FGF14: variants seen among roughly 807,000 people sequenced by gnomAD.
FGF14 encodes fibroblast growth factor 14, also known as fibroblast growth factor homologous factor 4.
A neutral mutation model predicts 25.5 loss-of-function variants in FGF14; 5 were observed. The ratio of observed to expected loss-of-function variants is 0.20; its 90% CI spans 0.10 to 0.41. The LOEUF is 0.41. FGF14 is among the 10% of genes least tolerant of loss of function. The probability of loss-of-function intolerance (pLI) is 1.00; values close to 1 mark genes in which losing one functional copy is unlikely to be tolerated. For synonymous variants in FGF14, 138 were observed against 118.3 expected (o/e 1.17, Z -1.08); for missense variants, 222 against 320.1 (o/e 0.69, Z 2.34).
chr13:102,030,054 A>G (rs543483613), intron 1 of FGF14, among the ~76,000 whole-genome samples: 2 of 152,216 alleles, frequency 1.3e-5, no homozygotes, highest in African/African-American at 4.8e-5. Flanking sequence ...TTATGTGTCA[A>G]GTATACAATA....
At chr13:102,331,448 T>C (rs1046542132) in intron 1 of FGF14, among the ~76,000 whole-genome samples, 1 of 152,192 alleles carries the variant, frequency 6.6e-6, no homozygotes, top group African/African-American at 2.4e-5. Context: ...TTATTGTACA[T>C]TCACACTGTA....
intron 3 of FGF14, among the ~76,000 whole-genome samples, chr13:101,767,012 C>T (rs2038448321): frequency 6.6e-6 from 1 of 152,160 alleles, no homozygotes; most frequent in Admixed American, 6.5e-5. Flanking sequence ...CAATTAATCA[C>T]TAATTTGTAA....
At chr13:102,186,473 A>T (rs905609640) in intron 1 of FGF14, among the ~76,000 whole-genome samples, 7 of 152,192 alleles carry the variant, frequency 4.6e-5, no homozygotes, top group African/African-American at 1.4e-4. Context: ...ACTAAAAATT[A>T]ATTTATACAT....
intron 3 of FGF14, among the ~76,000 whole-genome samples, chr13:101,826,961 G>T (rs1705991563): frequency 6.6e-6 from 1 of 151,862 alleles, no homozygotes; most frequent in South Asian, 2.1e-4. Context: ...GACACTATAG[G>T]TACAGAGGTA....
intron 3 of FGF14, among the ~76,000 whole-genome samples, chr13:101,802,915 G>A (rs1175585463): frequency 6.6e-6 from 1 of 152,060 alleles, no homozygotes; most frequent in African/African-American, 2.4e-5. Flanking sequence ...TGAGGCTGTG[G>A]GAGAAGAGGC....
intron 1 of FGF14, among the ~76,000 whole-genome samples, chr13:102,161,558 CTTTCTGTGAAGAAAGA>C (rs1473888144): frequency 5.4e-5 from 1 of 18,652 alleles, no homozygotes; most frequent in Non-Finnish European, 9.8e-5. Context: ...ATGCAACCAA[CTTTCTGTGAAGAAAGA>C]AAGAAGAAGA....
At chr13:101,726,480 C>T in intron 4 of FGF14, 132 bp downstream of exon 4, 2 of 842,398 alleles carry the variant, frequency 2.4e-6, no homozygotes, top group Non-Finnish European at 3.8e-6. Context: ...CCTGTGCAAC[C>T]ATCACCTAGA....
At chr13:102,387,157 T>G (rs2058324386) in intron 1 of FGF14, among the ~76,000 whole-genome samples, 2 of 152,360 alleles carry the variant, frequency 1.3e-5, no homozygotes, top group South Asian at 2.1e-4. Flanking sequence ...TTTATAAAAT[T>G]TGAATAGCCA....
chr13:102,218,241 C>G (rs1391658690), intron 1 of FGF14, among the ~76,000 whole-genome samples: 2 of 151,948 alleles, frequency 1.3e-5, no homozygotes, highest in African/African-American at 4.8e-5. Flanking sequence ...AAAGCCCTGA[C>G]CACAAAGCAG....
chr13:102,270,944 A>G (rs1379011013), intron 1 of FGF14, among the ~76,000 whole-genome samples: 1 of 152,194 alleles, frequency 6.6e-6, no homozygotes, highest in African/African-American at 2.4e-5. Flanking sequence ...AATGCATTAA[A>G]GTATTATTTC....
intron 1 of FGF14, among the ~76,000 whole-genome samples, chr13:102,288,019 G>T (rs1204270798): frequency 3.9e-5 from 6 of 152,304 alleles, no homozygotes; most frequent in Middle Eastern, 3.4e-3. Context: ...TTGCATCAGA[G>T]AATAAAGTAG....
chr13:102,047,150 A>G (rs909494559), intron 1 of FGF14, among the ~76,000 whole-genome samples: 34 of 152,186 alleles, frequency 2.2e-4, no homozygotes, highest in Non-Finnish European at 5.0e-4. Flanking sequence ...TAAGAGAACA[A>G]AATATTTAAA....
intron 1 of FGF14, among the ~76,000 whole-genome samples, chr13:102,311,717 T>C (rs905706072): frequency 2.0e-5 from 3 of 152,186 alleles, no homozygotes; most frequent in African/African-American, 7.2e-5. Context: ...TGAGCTATTT[T>C]AAAGCACAAC....
intron 3 of FGF14, among the ~76,000 whole-genome samples, chr13:101,833,719 A>G (rs980763749): frequency 6.6e-6 from 1 of 152,100 alleles, no homozygotes; most frequent in African/African-American, 2.4e-5. Context: ...GATGTTGGCT[A>G]GTTTGCACAC....
intron 1 of FGF14, among the ~76,000 whole-genome samples, chr13:102,190,273 A>C (rs1027470717): frequency 1.3e-5 from 2 of 152,176 alleles, no homozygotes; most frequent in East Asian, 3.8e-4. Flanking sequence ...TTAGGACATA[A>C]GTTTTGTTTA....
intron 3 of FGF14, among the ~76,000 whole-genome samples, chr13:101,777,906 G>C (rs1462109992): frequency 6.6e-6 from 1 of 152,136 alleles, no homozygotes; most frequent in Non-Finnish European, 1.5e-5. Flanking sequence ...GGAGGTTGCA[G>C]TGAGCCGAGA....
At chr13:101,925,213 T>C (rs948608429) in intron 1 of FGF14, among the ~76,000 whole-genome samples, 15 of 152,242 alleles carry the variant, frequency 9.9e-5, no homozygotes, top group African/African-American at 3.4e-4. Flanking sequence ...TGTTTTGGTA[T>C]ATTTTTCCAG....
chr13:101,880,190 CT>C (rs2045624642), intron 1 of FGF14, among the ~76,000 whole-genome samples: 1 of 152,106 alleles, frequency 6.6e-6, no homozygotes, highest in Admixed American at 6.6e-5. Context: ...TTTAACACTT[CT>C]TCCACAGGCT....
At chr13:102,334,738 T>C (rs1348726260) in intron 1 of FGF14, among the ~76,000 whole-genome samples, 4 of 152,192 alleles carry the variant, frequency 2.6e-5, no homozygotes, top group Non-Finnish European at 4.4e-5. Context: ...CTAAGATGTT[T>C]TGAATTTTTG....
Sources: allele counts gnomAD v4.1 joint callset (sites outside exome capture counted in the v4.1 genomes callset), GRCh38; gene constraint gnomAD v4.1.1; transcripts MANE v1.5; gene names NCBI Gene and HGNC (gene_info 2026-07-23, HGNC 2026-07-21).